The following DUSP14 variants were observed in gnomAD, a reference collection of about 807,000 sequenced individuals.
DUSP14 encodes dual specificity protein phosphatase 14.
In DUSP14, 5 loss-of-function variants were observed where a neutral mutation model predicts 13.2. The ratio of observed to expected loss-of-function variants is 0.38; its 90% CI spans 0.20 to 0.80. DUSP14 has a LOEUF of 0.80. Among genes scored for constraint, DUSP14 ranks in the 30% least tolerant of loss-of-function variants. DUSP14 has a pLI of 0.44. For missense variants in DUSP14, 185 were observed against 264.0 expected (o/e 0.70, Z 2.07); for synonymous variants, 91 against 103.4 (o/e 0.88, Z 0.73).
chr17:37,502,936 T>G (rs966756990), intron 1 of DUSP14, among the ~76,000 whole-genome samples: 63 of 152,150 alleles, frequency 4.1e-4, no homozygotes, highest in African/African-American at 1.5e-3. Context: ...AGTGGCGCCA[T>G]CGTAGCCCCC....
intron 1 of DUSP14, among the ~76,000 whole-genome samples, chr17:37,505,878 G>T (rs569752020): frequency 6.6e-6 from 1 of 152,090 alleles, no homozygotes; most frequent in African/African-American, 2.4e-5. Flanking sequence ...TTAGAGGCCC[G>T]CTGGGAAGAC....
chr17:37,512,879 A>G lies in DUSP14; in HGVS notation c.*10A>G. 6.3e-7 allele frequency: 1 copy of G among 1,587,426 alleles called. No individual in the cohort carries two copies. The highest frequency in any genetic ancestry group is 8.6e-7 in the Non-Finnish European group (1 of 1,160,270). On this transcript the variant is annotated 3_prime_UTR_variant, in exon 3 of 3. Coordinates refer to ENST00000617516, the MANE Select transcript of DUSP14 (RefSeq NM_007026.4). The surrounding 1 kb of genome is among the most constrained non-coding windows in gnomAD (Gnocchi z 4.8). ...TTACTGGGGGATTTAGTGCCACTGA[A>G]GCCTGCGTCAGCAGCCCGAGCGGGG... is the stretch of plus-strand genomic sequence containing the variant.
intron 1 of DUSP14, among the ~76,000 whole-genome samples, chr17:37,491,260 T>C (rs888137343): frequency 1.3e-5 from 2 of 152,174 alleles, no homozygotes; most frequent in African/African-American, 4.8e-5. Flanking sequence ...CCTTGAGAAA[T>C]GCAGGGAAGG....
At chr17:37,495,224 G>A (rs2054055674) in intron 1 of DUSP14, among the ~76,000 whole-genome samples, 1 of 152,204 alleles carries the variant, frequency 6.6e-6, no homozygotes. Context: ...GAGGCCTAGG[G>A]CTGAGATCAC....
intron 1 of DUSP14, among the ~76,000 whole-genome samples, chr17:37,498,286 A>G (rs8064314): frequency 0.71 from 105,814 of 148,106 alleles, 38,236 homozygotes; most frequent in East Asian, 0.97. Context: ...GAAATGGAGT[A>G]GAACTTGTTT....
rs562478056 is a variant in DUSP14 at position 37,512,670 on chromosome 17, G to A, written c.398G>A (p.Cys133Tyr). The change falls in exon 3 of 3, where the codon TGC becomes TAC. Residue 133 changes from cysteine (C) to tyrosine (Y), a missense_variant. Transcript: ENST00000617516. The surrounding 1 kb of genome is among the most constrained non-coding windows in gnomAD (Gnocchi z 4.8). ...IAYLMKFHNV[C>Y]LLEAYNWVKA... ...TACCTGATGAAATTCCACAACGTGT[G>A]CCTGCTGGAGGCGTACAACTGGGTG... 2.5e-6 allele frequency: 4 copies of A among 1,613,956 alleles called. No homozygotes were observed. In the East Asian group the frequency reaches 8.9e-5, roughly 36 times the overall value.
intron 1 of DUSP14, among the ~76,000 whole-genome samples, chr17:37,509,285 A>AGTG (rs1381013845): frequency 3.6e-5 from 1 of 28,096 alleles, no homozygotes; most frequent in African/African-American, 1.6e-4. Context: ...ATATATATAT[A>AGTG]TATATATATA....
rs1315565924 is a variant in DUSP14, at chr17:37,489,968, C to G, written c.-181+10C>G. On this transcript the variant is annotated intron_variant, in intron 1 of 2. Coordinates refer to ENST00000617516, the MANE Select transcript of DUSP14 (RefSeq NM_007026.4). ...GCGCCGCGCCGCGCCGGTAGGGGAC[C>G]CGCAGGCCCGGGGGTGGGGGTTGTG... 2.2e-5 allele frequency: 3 copies of G among 136,088 alleles called. No individual in the cohort carries two copies. The highest frequency in any genetic ancestry group is 8.1e-5 in the African/African-American group (3 of 36,922). The allele number at this position is 136,088 out of a possible 1,614,324, so 8.4% of individuals were successfully genotyped here.
intron 1 of DUSP14, among the ~76,000 whole-genome samples, chr17:37,490,513 TC>T (rs1175580204): frequency 2.0e-5 from 3 of 152,180 alleles, no homozygotes; most frequent in Non-Finnish European, 4.4e-5. Context: ...GTACCCTTGC[TC>T]CGGAGCGAAG....
At chr17:37,508,711 G>C (rs569136943) in intron 1 of DUSP14, among the ~76,000 whole-genome samples, 18 of 151,110 alleles carry the variant, frequency 1.2e-4, no homozygotes, top group African/African-American at 3.9e-4. Flanking sequence ...TCCAGCCTGG[G>C]TGACAGAGCC....
chr17:37,512,558 A>G lies in DUSP14; in HGVS notation c.286A>G (p.Lys96Glu). Residue 96 changes from lysine (K) to glutamate (E), a missense_variant, in exon 3 of 3, where the codon AAG becomes GAG. Lys to Glu is a moderately conservative substitution (Grantham distance 56). Coordinates refer to ENST00000617516, the MANE Select transcript of DUSP14 (RefSeq NM_007026.4). This position sits in a 1 kb window ranked among gnomAD's most constrained non-coding sequence, Gnocchi z 4.8. ...IGLYFDTVAD[K>E]IHSVSRKHGA... Reference sequence around the variant, plus strand: ...ACTGTACTTTGACACCGTGGCTGACAAGATCCACAGTGTGAGCAGGAAGCA... The same window carrying G: ...ACTGTACTTTGACACCGTGGCTGACGAGATCCACAGTGTGAGCAGGAAGCA... 2 of 1,614,172 alleles carry G rather than the reference A, an allele frequency of 1.2e-6. No individual in the cohort carries two copies. Among genetic ancestry groups the G allele is most frequent in the South Asian group, 1.1e-5 (1 of 91,082 alleles).
Position 37,512,098 on chromosome 17 carries a change from A to C in DUSP14, c.-92-83A>C. ...TGTATTATTTAAAAAAAAACCCTCT[A>C]ATCTTCCCATTTGACAAATGTGACA... On this transcript the variant is annotated intron_variant, in intron 2 of 2. Transcript: ENST00000617516. This position sits in a 1 kb window ranked among gnomAD's most constrained non-coding sequence, Gnocchi z 4.8. The C allele has an allele frequency of 1.7e-6, 1 of 584,178 alleles. No homozygotes were observed. The highest frequency in any genetic ancestry group is 2.8e-5 in the East Asian group (1 of 36,142). 36.2% of individuals were successfully genotyped at this position (584,178 alleles called of 1,614,324 possible). A position where few individuals can be genotyped will look rare whatever the true frequency, so the allele number is the denominator to read the frequency against.
chr17:37,510,043 A>T (rs1185368006), intron 1 of DUSP14: 1 of 152,232 alleles, frequency 6.6e-6, no homozygotes, highest in East Asian at 1.9e-4. Flanking sequence ...AAAAGAAAAC[A>T]AAATGAAGGA....
intron 1 of DUSP14, among the ~76,000 whole-genome samples, chr17:37,507,020 G>A (rs113568794): frequency 1.1e-4 from 16 of 152,340 alleles, no homozygotes; most frequent in African/African-American, 3.1e-4. Flanking sequence ...TTTAGTCACC[G>A]CAGAGAAGCA....
At chr17:37,501,864 A>G (rs1272237568) in intron 1 of DUSP14, among the ~76,000 whole-genome samples, 3 of 152,150 alleles carry the variant, frequency 2.0e-5, no homozygotes, top group African/African-American at 7.2e-5. Flanking sequence ...AGCATGGTAT[A>G]CAATCTATAA....
chr17:37,508,589 C>T (rs2054152870), intron 1 of DUSP14, among the ~76,000 whole-genome samples: 1 of 151,896 alleles, frequency 6.6e-6, no homozygotes, highest in African/African-American at 2.4e-5. Flanking sequence ...CAAAAAATAG[C>T]AACGTGTGGT....
chr17:37,508,060 G>A (rs544551330), intron 1 of DUSP14, among the ~76,000 whole-genome samples: 12 of 152,334 alleles, frequency 7.9e-5, no homozygotes, highest in African/African-American at 2.9e-4. Flanking sequence ...TTCACCTGTG[G>A]ACTGCTCTGT....
rs1043631085 is a variant in DUSP14, at chr17:37,512,252, A to G, written c.-21A>G. 1 of 1,572,920 alleles carries G rather than the reference A, an allele frequency of 6.4e-7. No individual in the cohort carries two copies. The highest frequency in any genetic ancestry group is 1.4e-5 in the African/African-American group (1 of 73,690). ...CTCTGGTCTTGCCGCCAACGATGCA[A>G]GTGTGACTGCTGGCGTCTTCATGAG... On this transcript the variant is annotated 5_prime_UTR_variant, in exon 3 of 3. Transcript: ENST00000617516. The surrounding 1 kb of genome is among the most constrained non-coding windows in gnomAD (Gnocchi z 4.8).
At position 37,494,300 on chromosome 17, in the gene DUSP14, C is replaced by T. The variant is rs1198677352; in HGVS notation, c.-181+4342C>T. On this transcript the variant is annotated intron_variant, in intron 1 of 2. Coordinates refer to ENST00000617516, the MANE Select transcript of DUSP14 (RefSeq NM_007026.4). The stretch of plus-strand genomic sequence containing the variant: ...GAGCCACCGCACCCAGCCTTTAAAT[C>T]TTTTAAATGTATTTTTCTCCAAATT... 2.6e-5 allele frequency among the ~76,000 whole-genome samples: 4 copies of T among 152,146 alleles called. No homozygotes were observed. In the East Asian group the frequency reaches 7.7e-4, roughly 29 times the overall value.
Sources: gnomAD v4.1 joint callset for allele counts (sites outside exome capture counted in the v4.1 genomes callset) on GRCh38, gnomAD v4.1.1 for gene constraint, Gnocchi (gnomAD v3.1) non-coding constraint, MANE v1.5 for transcripts, NCBI Gene and HGNC (gene_info 2026-07-23, HGNC 2026-07-21) for gene names.